The following ASCC2 variants were observed in gnomAD, a reference collection of about 807,000 sequenced individuals.
The protein encoded by ASCC2 is activating signal cointegrator 1 complex subunit 2, also known as ASC-1 complex subunit P100.
In ASCC2, 42 loss-of-function variants were observed where a neutral mutation model predicts 93.5. The ratio of observed to expected loss-of-function variants is 0.45; its 90% CI spans 0.35 to 0.58. The LOEUF (loss-of-function observed/expected upper bound fraction) is 0.58, where lower values mean the gene tolerates loss of function less well. ASCC2 is among the 20% of genes least tolerant of loss of function. ASCC2 has a pLI of 0.00. For synonymous variants in ASCC2, 364 were observed against 384.2 expected (o/e 0.95, Z 0.62); for missense variants, 859 against 977.6 (o/e 0.88, Z 1.62).
At position 29,806,090 on chromosome 22, in the gene ASCC2, G is replaced by T. The variant is rs12159277; in HGVS notation, c.1160+126C>A. The T allele has an allele frequency of 9.6e-6, 10 of 1,038,120 alleles. No homozygotes were observed. The Admixed American group carries it at 1.2e-4, about 12-fold the overall frequency. The allele number at this position is 1,038,120 out of a possible 1,614,324, so 64.3% of individuals were successfully genotyped here. A position where few individuals can be genotyped will look rare whatever the true frequency, so the allele number is the denominator to read the frequency against. ...GCTGGGACCTTGGCAGGCCACCTCG[G>T]ACAGCTGGCTGACCCATGCGTTCTG... On this transcript the variant is annotated intron_variant, in intron 12 of 19. Transcript: ENST00000307790.
chr22:29,813,394 G>C (rs1410685263), intron 8 of ASCC2, 36 bp downstream of exon 8: 2 of 1,360,658 alleles, frequency 1.5e-6, no homozygotes, highest in South Asian at 2.3e-5. Context: ...ACATAAGCCA[G>C]TATCTCTATT....
intron 15 of ASCC2, among the ~76,000 whole-genome samples, chr22:29,796,204 GT>G (rs2058415442): frequency 6.6e-6 from 1 of 152,090 alleles, no homozygotes; most frequent in African/African-American, 2.4e-5. Flanking sequence ...CACCAGCCGG[GT>G]TCAAGCGATT....
At chr22:29,835,001 C>A (rs1365015254) in intron 1 of ASCC2, among the ~76,000 whole-genome samples, 1 of 152,020 alleles carries the variant, frequency 6.6e-6, no homozygotes, top group African/African-American at 2.4e-5. Context: ...GGGTGTGAGA[C>A]ACAGGGTGGA....
chr22:29,806,632 T>G, intron 10 of ASCC2, 79 bp from the exon 11 acceptor site: 1 of 1,490,450 alleles, frequency 6.7e-7, no homozygotes, highest in Non-Finnish European at 9.3e-7. Flanking sequence ...GCTGCCCCTC[T>G]TTAAGGCTGG....
chr22:29,821,868 G>A, intron 5 of ASCC2: 1 of 404,056 alleles, frequency 2.5e-6, no homozygotes, highest in East Asian at 8.1e-5. Context: ...GCATGGTGGT[G>A]TGCACCTGTA....
At chr22:29,826,121 G>C (rs1202815639) in intron 2 of ASCC2, 2 of 191,842 alleles carry the variant, frequency 1.0e-5, no homozygotes, top group East Asian at 2.8e-4. Flanking sequence ...AAAAACCAGA[G>C]CATAGTTTTC....
At chr22:29,808,856 C>T (rs2059974296) in intron 8 of ASCC2, among the ~76,000 whole-genome samples, 2 of 150,914 alleles carry the variant, frequency 1.3e-5, no homozygotes, top group African/African-American at 2.4e-5. Flanking sequence ...CGGTGGCTCA[C>T]GCCTGTAATC....
In ASCC2 at chr22:29,827,999, C is replaced by T. The variant is rs189251981; in HGVS notation, c.82-2219G>A. On this transcript the variant is annotated intron_variant, in intron 2 of 19. Transcript: ENST00000307790. ...CACACACCCCTGAGATTCTACTTTC[C>T]CTACAATCCCACAGGGGGAAGATGG... Among the ~76,000 whole-genome samples, 91 of 150,526 alleles carry T rather than the reference C, an allele frequency of 6.0e-4. 1 individual carries two copies. Among genetic ancestry groups the T allele is most frequent in the Non-Finnish European group, 9.8e-4 (66 of 67,478 alleles).
At chr22:29,793,175 T>C (rs1024420682) in intron 17 of ASCC2, among the ~76,000 whole-genome samples, 185 bp downstream of exon 17, 1 of 152,156 alleles carries the variant, frequency 6.6e-6, no homozygotes, top group Non-Finnish European at 1.5e-5. Flanking sequence ...GCAAAGCTAC[T>C]GCATGACACC....
At chr22:29,832,972 G>A (rs2063346656) in intron 1 of ASCC2, among the ~76,000 whole-genome samples, 1 of 152,014 alleles carries the variant, frequency 6.6e-6, no homozygotes, top group Non-Finnish European at 1.5e-5. Context: ...ACATCACTCG[G>A]GCTGGTCTCA....
intron 13 of ASCC2, 100 bp from the exon 14 acceptor site, chr22:29,802,308 C>G: frequency 8.2e-7 from 1 of 1,226,564 alleles, no homozygotes; most frequent in Non-Finnish European, 1.1e-6. Flanking sequence ...GGATCTGGTT[C>G]AAGTCCTGGG....
intron 1 of ASCC2, chr22:29,832,587 C>A: frequency 5.0e-6 from 1 of 200,002 alleles, no homozygotes; most frequent in Non-Finnish European, 1.0e-5. Context: ...TTTCCACCCA[C>A]TTTTTTTTTT....
At chr22:29,831,024 C>A (rs565832469) in intron 2 of ASCC2, among the ~76,000 whole-genome samples, 81 of 152,316 alleles carry the variant, frequency 5.3e-4, no homozygotes, top group South Asian at 3.9e-3. Flanking sequence ...TGCTCTATAT[C>A]TGTGCTGGCA....
At chr22:29,832,571 G>A in intron 1 of ASCC2, 1 of 358,022 alleles carries the variant, frequency 2.8e-6, no homozygotes, top group South Asian at 5.4e-5. Context: ...GATGACTTCT[G>A]ATATATTTCC....
intron 15 of ASCC2, among the ~76,000 whole-genome samples, chr22:29,796,447 C>T (rs1465992563): frequency 2.6e-5 from 4 of 152,006 alleles, no homozygotes; most frequent in Non-Finnish European, 1.5e-5. Context: ...GAACGGAAGC[C>T]CTGGAAACAA....
intron 15 of ASCC2, among the ~76,000 whole-genome samples, chr22:29,795,421 C>T (rs1012938202): frequency 2.0e-5 from 3 of 151,710 alleles, no homozygotes; most frequent in African/African-American, 7.3e-5. Flanking sequence ...ATTGTTTTTT[C>T]AAAAATGACC....
chr22:29,827,981 CCCT>C (rs2062671868), intron 2 of ASCC2, among the ~76,000 whole-genome samples: 1 of 146,226 alleles, frequency 6.8e-6, no homozygotes, highest in Non-Finnish European at 1.5e-5. Context: ...ACACACACAC[CCCT>C]GAGATTCTAC....
At chr22:29,836,022 T>G (rs2063733706) in intron 1 of ASCC2, among the ~76,000 whole-genome samples, 1 of 151,820 alleles carries the variant, frequency 6.6e-6, no homozygotes, top group Non-Finnish European at 1.5e-5. Flanking sequence ...TTGGGTCGGG[T>G]GAGGTGGCTT....
chr22:29,799,253 C>T (rs1434237423), intron 15 of ASCC2: 2 of 152,264 alleles, frequency 1.3e-5, no homozygotes, highest in Non-Finnish European at 2.9e-5. Flanking sequence ...TGGAGGACCC[C>T]TTGTCTGCCC....
Sources: allele counts gnomAD v4.1 joint callset (sites outside exome capture counted in the v4.1 genomes callset), GRCh38; gene constraint gnomAD v4.1.1; transcripts MANE v1.5; gene names NCBI Gene and HGNC (gene_info 2026-07-23, HGNC 2026-07-21).